BAZ1A: variants seen among roughly 807,000 people sequenced by gnomAD.
BAZ1A encodes bromodomain adjacent to zinc finger domain protein 1A.
In BAZ1A, 50 loss-of-function variants were observed where a neutral mutation model predicts 185.2. The observed-to-expected ratio is 0.27, with a 90% CI of 0.22 to 0.34. BAZ1A has a LOEUF of 0.34. Ranked by LOEUF, BAZ1A falls within the 10% of genes least tolerant of loss-of-function variation. The pLI, the probability that BAZ1A is intolerant of heterozygous loss-of-function variation, is 1.00. For missense variants in BAZ1A, 1,356 were observed against 1,839.9 expected (o/e 0.74, Z 4.81); for synonymous variants, 571 against 615.6 (o/e 0.93, Z 1.07).
chr14:34,774,273 C>A, intron 19 of BAZ1A, 54 bp downstream of exon 19: 1 of 1,490,996 alleles, frequency 6.7e-7, no homozygotes, highest in South Asian at 1.4e-5. Flanking sequence ...CAAATATGAC[C>A]AAAATTCTGG....
At chr14:34,771,369 G>A in intron 21 of BAZ1A, 142 bp downstream of exon 21, 1 of 794,454 alleles carries the variant, frequency 1.3e-6, no homozygotes. Context: ...CACCTTAAAA[G>A]AACTCATTTA....
At chr14:34,845,579 G>A (rs1423191841) in intron 3 of BAZ1A, among the ~76,000 whole-genome samples, 1 of 152,088 alleles carries the variant, frequency 6.6e-6, no homozygotes, top group African/African-American at 2.4e-5. Flanking sequence ...CTGGGATCTT[G>A]GCTGGGCGCA....
At chr14:34,870,662 A>C (rs1003378444) in intron 2 of BAZ1A, among the ~76,000 whole-genome samples, 1 of 152,248 alleles carries the variant, frequency 6.6e-6, no homozygotes, top group Non-Finnish European at 1.5e-5. Context: ...TTCTTAATGC[A>C]TACTTCAACA....
At position 34,875,342 on chromosome 14, in the gene BAZ1A, T is replaced by A. The variant is rs774771093; in HGVS notation, c.-263A>T. 1.8e-5 allele frequency: 8 copies of A among 456,054 alleles called. No homozygotes were observed. Among genetic ancestry groups the A allele is most frequent in the South Asian group, 1.2e-4 (8 of 64,560 alleles). 28.3% of individuals were successfully genotyped at this position (456,054 alleles called of 1,614,324 possible). A position where few individuals can be genotyped will look rare whatever the true frequency, so the allele number is the denominator to read the frequency against. On this transcript the variant is annotated 5_prime_UTR_variant, in exon 1 of 27. Coordinates refer to ENST00000360310, the MANE Select transcript of BAZ1A (RefSeq NM_013448.3). Reference sequence around the variant, plus strand: ...CTCGGAGCTCCTGGGAAGTTTCTGATCTACTTTCGGCTCTGAAGGAGGAAG... The same window carrying A: ...CTCGGAGCTCCTGGGAAGTTTCTGAACTACTTTCGGCTCTGAAGGAGGAAG...
intron 3 of BAZ1A, among the ~76,000 whole-genome samples, chr14:34,850,317 G>A (rs972390619): frequency 8.5e-5 from 13 of 152,084 alleles, no homozygotes; most frequent in Admixed American, 7.9e-4. Context: ...AATGGAAATT[G>A]CAGCGACCTG....
rs938451645 is a variant in BAZ1A at position 34,757,968 on chromosome 14, T to C, written c.4386+736A>G. On this transcript the variant is annotated intron_variant, in intron 25 of 26. Coordinates refer to ENST00000360310, the MANE Select transcript of BAZ1A (RefSeq NM_013448.3). ...TTCACTGTGTTAGCCAGGATGGTCT[T>C]GATCTCCTGACCTCGTGATCCGCCC... is the stretch of plus-strand genomic sequence containing the variant. Among the ~76,000 whole-genome samples, 39 of 151,196 alleles carry C rather than the reference T, an allele frequency of 2.6e-4. No individual in the cohort carries two copies. The East Asian group carries it at 3.5e-3, about 13-fold the overall frequency.
chr14:34,866,502 A>AAAAAAAAAAAAAAAAAAAAAAAAAG, intron 2 of BAZ1A, among the ~76,000 whole-genome samples: 2 of 79,538 alleles, frequency 2.5e-5, no homozygotes, highest in African/African-American at 3.8e-5. Flanking sequence ...AAAAAAAAAA[A>AAAAAAAAAAAAAAAAAAAAAAAAAG]GAAAAAAGTT....
chr14:34,753,768 T>A, intron 26 of BAZ1A, 64 bp from the exon 27 acceptor site: 3 of 1,258,454 alleles, frequency 2.4e-6, no homozygotes, highest in Non-Finnish European at 3.2e-6. Context: ...AATATAATTC[T>A]TGTATCATAT....
At chr14:34,837,726 C>T (rs919806403) in intron 3 of BAZ1A, among the ~76,000 whole-genome samples, 7 of 151,992 alleles carry the variant, frequency 4.6e-5, no homozygotes, top group Non-Finnish European at 7.4e-5. Flanking sequence ...TTAAAACTAC[C>T]AAAAACTTTA....
rs780031035 is a variant in BAZ1A at position 34,810,928 on chromosome 14, G to A, written c.638+7C>T. On this transcript the variant is annotated splice_region_variant and intron_variant, in intron 5 of 26. Coordinates refer to ENST00000360310, the MANE Select transcript of BAZ1A (RefSeq NM_013448.3). ...TAAACTACTATTGAGAAGATAGTGAGTTTTACCTGATTTGTGTTGCTTTAA... is the reference window on the plus strand; with the variant it reads ...TAAACTACTATTGAGAAGATAGTGAATTTTACCTGATTTGTGTTGCTTTAA... 1.3e-6 allele frequency: 2 copies of A among 1,581,556 alleles called. No homozygotes were observed. The highest frequency in any genetic ancestry group is 4.5e-5 in the East Asian group (2 of 44,574).
chr14:34,832,215 C>CACACACACACATATATAT, intron 3 of BAZ1A, among the ~76,000 whole-genome samples: 15 of 89,668 alleles, frequency 1.7e-4, no homozygotes, highest in South Asian at 4.9e-4. Context: ...CACACACACA[C>CACACACACACATATATAT]ATATATATAT....
At chr14:34,806,867 A>G (rs1881880560) in intron 6 of BAZ1A, among the ~76,000 whole-genome samples, 1 of 151,640 alleles carries the variant, frequency 6.6e-6, no homozygotes, top group Non-Finnish European at 1.5e-5. Flanking sequence ...CTTTTACCTC[A>G]GCTTCCTAAG....
intron 4 of BAZ1A, among the ~76,000 whole-genome samples, chr14:34,815,840 C>G (rs1243109440): frequency 1.3e-5 from 2 of 152,064 alleles, no homozygotes; most frequent in African/African-American, 4.8e-5. Flanking sequence ...TGACAACCCA[C>G]TAAATGATTA....
chr14:34,783,651 C>T, intron 15 of BAZ1A, 111 bp downstream of exon 15: 1 of 1,368,396 alleles, frequency 7.3e-7, no homozygotes, highest in Non-Finnish European at 9.9e-7. Context: ...TTAGTAAAGC[C>T]ATCAAACATC....
intron 4 of BAZ1A, among the ~76,000 whole-genome samples, chr14:34,818,751 G>A (rs965391796): frequency 2.0e-5 from 3 of 152,140 alleles, no homozygotes; most frequent in African/African-American, 7.2e-5. Flanking sequence ...CCAAAGAGAA[G>A]CCGTAAAGTG....
At chr14:34,798,702 T>C (rs1881340616) in intron 9 of BAZ1A, among the ~76,000 whole-genome samples, 1 of 152,134 alleles carries the variant, frequency 6.6e-6, no homozygotes, top group Non-Finnish European at 1.5e-5. Context: ...TCACAGCAGT[T>C]AGAATGGCAA....
intron 3 of BAZ1A, chr14:34,845,342 T>C (rs1566593567): frequency 6.6e-6 from 1 of 150,948 alleles, no homozygotes; most frequent in Non-Finnish European, 1.5e-5. Flanking sequence ...TAGACAATTC[T>C]AAAAGAGCTG....
At chr14:34,854,225 G>A (rs2042640405) in intron 3 of BAZ1A, among the ~76,000 whole-genome samples, 1 of 152,040 alleles carries the variant, frequency 6.6e-6, no homozygotes, top group Admixed American at 6.6e-5. Context: ...TCAGGAGTTC[G>A]AGACCAGCCT....
At chr14:34,855,756 T>C (rs940368458) in intron 3 of BAZ1A, among the ~76,000 whole-genome samples, 1 of 151,926 alleles carries the variant, frequency 6.6e-6, no homozygotes, top group African/African-American at 2.4e-5. Context: ...AAAAGGTAGC[T>C]GGGTGTGGTG....
Sources: allele counts gnomAD v4.1 joint callset (sites outside exome capture counted in the v4.1 genomes callset), GRCh38; gene constraint gnomAD v4.1.1; transcripts MANE v1.5; gene names NCBI Gene and HGNC (gene_info 2026-07-23, HGNC 2026-07-21).